PPP3CA: variants seen among roughly 807,000 people sequenced by gnomAD.
PPP3CA encodes the protein protein phosphatase 3 catalytic subunit alpha.
A neutral mutation model predicts 66.5 loss-of-function variants in PPP3CA; 14 were observed. The observed-to-expected ratio is 0.21, with a 90% CI of 0.14 to 0.33. The LOEUF (loss-of-function observed/expected upper bound fraction) is 0.33. Among genes scored for constraint, PPP3CA ranks in the 10% least tolerant of loss-of-function variants. The pLI is 1.00. For missense variants in PPP3CA, 317 were observed against 639.5 expected (o/e 0.50, Z 5.44); for synonymous variants, 232 against 226.2 (o/e 1.03, Z -0.23).
intron 1 of PPP3CA, among the ~76,000 whole-genome samples, chr4:101,215,910 G>C (rs1226401704): frequency 6.6e-6 from 1 of 152,082 alleles, no homozygotes. Context: ...TAAAATTAAA[G>C]TTGTATCACC....
chr4:101,325,603 C>A (rs1425842744), intron 1 of PPP3CA, among the ~76,000 whole-genome samples: 1 of 152,116 alleles, frequency 6.6e-6, no homozygotes, highest in Admixed American at 6.5e-5. Flanking sequence ...AGAGTCAGTA[C>A]TCAATAAATA....
intron 10 of PPP3CA, among the ~76,000 whole-genome samples, chr4:101,046,202 C>A (rs1282105860): frequency 7.2e-5 from 11 of 152,028 alleles, no homozygotes; most frequent in Admixed American, 5.9e-4. Flanking sequence ...AAAGTCTAAT[C>A]CAACAGATTC....
chr4:101,263,505 G>A (rs551629964), intron 1 of PPP3CA, among the ~76,000 whole-genome samples: 2 of 152,134 alleles, frequency 1.3e-5, no homozygotes, highest in South Asian at 2.1e-4. Flanking sequence ...AGACAGACAA[G>A]GTGTGTTCCT....
rs986397087 is a variant in PPP3CA at position 101,139,668 on chromosome 4, C to G, written c.260-30590G>C. On this transcript the variant is annotated intron_variant, in intron 2 of 13. Transcript: ENST00000394854. ...TACAAAGTGGAATGGATCTTCTACCCAAAGTGACTTTTGAGGGTTTTTTTT... is the reference window on the plus strand; with the variant it reads ...TACAAAGTGGAATGGATCTTCTACCGAAAGTGACTTTTGAGGGTTTTTTTT... Among the ~76,000 whole-genome samples, 15 of 147,738 alleles carry G rather than the reference C, an allele frequency of 1.0e-4. 1 individual carries two copies. The highest frequency in any genetic ancestry group is 1.8e-4 in the Non-Finnish European group (12 of 67,370).
At chr4:101,234,625 A>T (rs1726070117) in intron 1 of PPP3CA, among the ~76,000 whole-genome samples, 1 of 151,178 alleles carries the variant, frequency 6.6e-6, no homozygotes, top group Non-Finnish European at 1.5e-5. Context: ...GCTTTAGGTT[A>T]ATTAAAGTAT....
intron 1 of PPP3CA, among the ~76,000 whole-genome samples, chr4:101,346,430 AC>A (rs1291070292): frequency 4.8e-5 from 7 of 144,672 alleles, no homozygotes; most frequent in Admixed American, 6.9e-5. Context: ...ACCAGCAACC[AC>A]CCCCCGGGCG....
chr4:101,066,641 A>G (rs1383035870), intron 8 of PPP3CA, among the ~76,000 whole-genome samples: 1 of 152,142 alleles, frequency 6.6e-6, no homozygotes, highest in African/African-American at 2.4e-5. Context: ...GTTACTCAAA[A>G]TTCTGATATT....
intron 1 of PPP3CA, among the ~76,000 whole-genome samples, chr4:101,335,404 T>C (rs1180241207): frequency 6.6e-6 from 1 of 152,012 alleles, no homozygotes; most frequent in Non-Finnish European, 1.5e-5. Flanking sequence ...AAAGGGGGCA[T>C]GGCCTGTCTC....
At chr4:101,166,726 G>A (rs1003883362) in intron 2 of PPP3CA, among the ~76,000 whole-genome samples, 3 of 152,008 alleles carry the variant, frequency 2.0e-5, no homozygotes, top group Non-Finnish European at 4.4e-5. Context: ...TTTAAAAGAC[G>A]GATAAAATAC....
At chr4:101,216,885 TCAC>T (rs967259784) in intron 1 of PPP3CA, among the ~76,000 whole-genome samples, 3 of 152,070 alleles carry the variant, frequency 2.0e-5, no homozygotes, top group African/African-American at 7.2e-5. Flanking sequence ...TTAAATAAAA[TCAC>T]CACATATATT....
chr4:101,245,065 A>G (rs988603304), intron 1 of PPP3CA, among the ~76,000 whole-genome samples: 28 of 152,188 alleles, frequency 1.8e-4, no homozygotes, highest in African/African-American at 6.8e-4. Context: ...ATTCGTGAAT[A>G]GTTTTTCCAT....
chr4:101,100,963 G>A (rs1317586466), intron 3 of PPP3CA, among the ~76,000 whole-genome samples: 1 of 152,036 alleles, frequency 6.6e-6, no homozygotes. Context: ...AATTATGTTT[G>A]ACTATACAGC....
At position 101,067,821 on chromosome 4, in the gene PPP3CA, T is replaced by C. The variant is rs571610076; in HGVS notation, c.956-4464A>G. On this transcript the variant is annotated intron_variant, in intron 8 of 13. Coordinates refer to ENST00000394854, the MANE Select transcript of PPP3CA (RefSeq NM_000944.5). ...CCTAAAACTTAAAGTATAATAATAA[T>C]AATAATAATAATAATAATAAAAAGC... is the stretch of plus-strand genomic sequence containing the variant. Among the ~76,000 whole-genome samples, 552 of 149,780 alleles carry C rather than the reference T, an allele frequency of 3.7e-3. 5 individuals are homozygous for C. Among genetic ancestry groups the C allele is most frequent in the African/African-American group, 0.013 (537 of 41,092 alleles).
chr4:101,243,130 A>C (rs17030989), intron 1 of PPP3CA, among the ~76,000 whole-genome samples: 6,870 of 152,164 alleles, frequency 0.045, 484 homozygotes, highest in African/African-American at 0.15. Context: ...ACCTTTATCA[A>C]CCTACAAACT....
rs34161285 is a variant in PPP3CA, at chr4:101,231,884, T to A, written c.59-35768A>T. ...ACACAGTAGTATTCAAACTGCTGAA[T>A]AAATAAAACAAACCCTCCCAATCAT... On this transcript the variant is annotated intron_variant, in intron 1 of 13. Transcript: ENST00000394854. Among the ~76,000 whole-genome samples the A allele has an allele frequency of 4.9e-3, 745 of 151,816 alleles. 3 individuals carry two copies. Among genetic ancestry groups the A allele is most frequent in the Non-Finnish European group, 8.5e-3 (578 of 67,804 alleles).
At chr4:101,306,925 A>G (rs543167499) in intron 1 of PPP3CA, among the ~76,000 whole-genome samples, 10 of 152,148 alleles carry the variant, frequency 6.6e-5, no homozygotes, top group South Asian at 4.2e-4. Context: ...CCACGGGAGG[A>G]TGAGGATGAG....
intron 1 of PPP3CA, among the ~76,000 whole-genome samples, chr4:101,322,140 T>C (rs1429727832): frequency 6.6e-6 from 1 of 152,154 alleles, no homozygotes; most frequent in East Asian, 1.9e-4. Context: ...AACAAAAACA[T>C]GCCTAATCTT....
chr4:101,239,071 G>T (rs1476862170), intron 1 of PPP3CA, among the ~76,000 whole-genome samples: 2 of 152,056 alleles, frequency 1.3e-5, no homozygotes, highest in African/African-American at 4.8e-5. Flanking sequence ...AGATTGTGAG[G>T]GGCTGCTGAG....
At chr4:101,036,586 G>A (rs558838943) in intron 11 of PPP3CA, among the ~76,000 whole-genome samples, 4 of 152,080 alleles carry the variant, frequency 2.6e-5, no homozygotes, top group South Asian at 2.1e-4. Context: ...TAATTTTTTT[G>A]TATTTTCAGT....
Sources: allele counts gnomAD v4.1 joint callset (sites outside exome capture counted in the v4.1 genomes callset), GRCh38; gene constraint gnomAD v4.1.1; transcripts MANE v1.5; gene names NCBI Gene and HGNC (gene_info 2026-07-23, HGNC 2026-07-21).